The following DNMT3A variants were observed in gnomAD, a reference collection of about 807,000 sequenced individuals.
DNMT3A encodes DNA methyltransferase 3 alpha.
DNMT3A carries 267 observed loss-of-function variants against 117.6 expected under a neutral mutation model. The ratio of observed to expected loss-of-function variants is 2.27; its 90% CI spans 2.05 to 2.51. DNMT3A has a LOEUF of 2.51. Among genes scored for constraint, DNMT3A ranks in the 30% most tolerant of loss-of-function variants. The pLI, the probability that DNMT3A is intolerant of heterozygous loss-of-function variation, is 0.00. For synonymous variants in DNMT3A, 432 were observed against 474.8 expected, an observed-to-expected ratio of 0.91 and a Z score of 1.17; for missense variants, 1,029 against 1,260.2, an observed-to-expected ratio of 0.82 and a Z score of 2.78.
At chr2:25,302,197 A>G (rs1158754525) in intron 2 of DNMT3A, among the ~76,000 whole-genome samples, 1 of 152,074 alleles carries the variant, frequency 6.6e-6, no homozygotes, top group African/African-American at 2.4e-5. Flanking sequence ...CAGGAGATAG[A>G]GAGAGAATGC....
intron 1 of DNMT3A, among the ~76,000 whole-genome samples, chr2:25,319,238 G>T (rs1344562699): frequency 4.6e-5 from 7 of 151,324 alleles, no homozygotes; most frequent in Non-Finnish European, 7.4e-5. Flanking sequence ...ATGGTCTCGA[G>T]CTCCTGACCT....
Position 25,243,961 on chromosome 2 carries a change from G to GT in DNMT3A, c.1872dup (p.Pro625ThrfsTer5). ...GGCTTCCTCTTCTCAGCTGGGACAG[G>GT]TGGGTAAACCTTTGGAGGGTCCTAA... is the stretch of plus-strand genomic sequence containing the variant. On this transcript the variant is annotated frameshift_variant, in exon 16 of 23. Transcript: ENST00000321117. LOFTEE classifies it high-confidence loss of function. 6.4e-7 allele frequency: 1 copy of GT among 1,553,668 alleles called. No individual in the cohort carries two copies. The highest frequency in any genetic ancestry group is 8.7e-7 in the Non-Finnish European group (1 of 1,147,944).
At chr2:25,301,314 A>G (rs1481795832) in intron 2 of DNMT3A, among the ~76,000 whole-genome samples, 3 of 152,070 alleles carry the variant, frequency 2.0e-5, no homozygotes, top group South Asian at 2.1e-4. Flanking sequence ...AAATTTAGCA[A>G]TATCTATTTG....
Position 25,294,276 on chromosome 2 carries a change from T to C in DNMT3A, c.177+5863A>G, listed in dbSNP as rs1281474434. On this transcript the variant is annotated intron_variant, in intron 3 of 22. Coordinates refer to ENST00000321117, the MANE Select transcript of DNMT3A (RefSeq NM_022552.5). The surrounding 1 kb of genome is among the most constrained non-coding windows in gnomAD (Gnocchi z 4.7). ...TAGGCCCTTCCATGCAGCACTCCAG[T>C]AGCGGGCGTTGATTTCACCGCTCAG... is the stretch of plus-strand genomic sequence containing the variant. Among the ~76,000 whole-genome samples, 7 of 152,148 alleles carry C rather than the reference T, an allele frequency of 4.6e-5. No individual in the cohort carries two copies. In the East Asian group the frequency reaches 1.2e-3, roughly 25 times the overall value.
At chr2:25,259,655 A>G (rs529412244) in intron 6 of DNMT3A, among the ~76,000 whole-genome samples, 1 of 152,252 alleles carries the variant, frequency 6.6e-6, no homozygotes, top group East Asian at 1.9e-4. Flanking sequence ...TTAAGTTTAT[A>G]CTAAGGGGGG....
chr2:25,304,166 A>T lies in DNMT3A; in HGVS notation c.73-3923T>A, dbSNP rs1391622101. On this transcript the variant is annotated intron_variant, in intron 2 of 22. Coordinates refer to ENST00000321117, the MANE Select transcript of DNMT3A (RefSeq NM_022552.5). The surrounding 1 kb of genome is among the most constrained non-coding windows in gnomAD (Gnocchi z 4.3). ...CGTCCACACTTCCAGCGCAGAGGGG[A>T]GGGGGTGGAAATTCCAGACACGTAG... Among the ~76,000 whole-genome samples the T allele has an allele frequency of 6.6e-6, 1 of 151,560 alleles. No individual in the cohort carries two copies. Among genetic ancestry groups the T allele is most frequent in the Non-Finnish European group, 1.5e-5 (1 of 67,846 alleles).
At chr2:25,256,034 C>G (rs950895784) in intron 6 of DNMT3A, among the ~76,000 whole-genome samples, 3 of 152,144 alleles carry the variant, frequency 2.0e-5, no homozygotes, top group Non-Finnish European at 4.4e-5. Context: ...ATGCGAGTCT[C>G]TCTACTCTGA....
At chr2:25,290,734 G>A (rs1228103463) in intron 3 of DNMT3A, among the ~76,000 whole-genome samples, 1 of 151,588 alleles carries the variant, frequency 6.6e-6, no homozygotes, top group East Asian at 1.9e-4. Context: ...CTGGCACCTG[G>A]GGCAAGAAGC....
Position 25,294,418 on chromosome 2 carries a change from C to T in DNMT3A, c.177+5721G>A, listed in dbSNP as rs373994420. 1.1e-4 allele frequency among the ~76,000 whole-genome samples: 17 copies of T among 152,248 alleles called. No homozygotes were observed. The South Asian group carries it at 1.7e-3, about 15-fold the overall frequency. Reference sequence around the variant, plus strand: ...AAACATGAGGAGACAGAGTGGGCAGCAGCGTGTACTGATGCAGGCTCGCAG... The same window carrying T: ...AAACATGAGGAGACAGAGTGGGCAGTAGCGTGTACTGATGCAGGCTCGCAG... On this transcript the variant is annotated intron_variant, in intron 3 of 22. Transcript: ENST00000321117. This position sits in a 1 kb window ranked among gnomAD's most constrained non-coding sequence, Gnocchi z 4.7.
In DNMT3A at chr2:25,229,501, A is replaced by C. The variant is rs1672790129; in HGVS notation, c.*4778T>G. ...GCACTGAGAGCAGGCAGCGTGGAGA[A>C]TACGCAATGACAAACTCAGATTACT... On this transcript the variant is annotated 3_prime_UTR_variant, in exon 23 of 23. Transcript: ENST00000321117. 1 of 152,248 alleles carries C rather than the reference A, an allele frequency of 6.6e-6. No homozygotes were observed. Among genetic ancestry groups the C allele is most frequent in the African/African-American group, 2.4e-5 (1 of 41,456 alleles). The allele number at this position is 152,248 out of a possible 1,614,324, so 9.4% of individuals were successfully genotyped here.
At position 25,244,625 on chromosome 2, in the gene DNMT3A, A is replaced by AC; in HGVS notation, c.1581dup (p.Tyr528ValfsTer18). The AC allele has an allele frequency of 6.2e-7, 1 of 1,614,150 alleles. No individual in the cohort carries two copies. The highest frequency in any genetic ancestry group is 8.5e-7 in the Non-Finnish European group (1 of 1,180,016). On this transcript the variant is annotated frameshift_variant, in exon 14 of 23. Coordinates refer to ENST00000321117, the MANE Select transcript of DNMT3A (RefSeq NM_022552.5). LOFTEE classifies it high-confidence loss of function. ...TAGGACTGGTAGCCGTCGTCGTCGT[A>AC]CTGGTACGCACACTCCAGAAAGCAG... is the stretch of plus-strand genomic sequence containing the variant.
chr2:25,308,232 A>C (rs999375227), intron 2 of DNMT3A, among the ~76,000 whole-genome samples: 1 of 152,156 alleles, frequency 6.6e-6, no homozygotes, highest in African/African-American at 2.4e-5. Context: ...TAAATTATAA[A>C]GCTAACTTAA....
At chr2:25,325,224 C>T (rs898069263) in intron 1 of DNMT3A, among the ~76,000 whole-genome samples, 1 of 152,162 alleles carries the variant, frequency 6.6e-6, no homozygotes, top group South Asian at 2.1e-4. Flanking sequence ...CACAGACTTC[C>T]GTAAGGCAGC....
In DNMT3A at chr2:25,244,001, A is replaced by G; in HGVS notation, c.1852-19T>C. ...GAGGGTCCTAAGCAGTGAGCACAACAGGTCAGATGCAGGCCCAGCGGTGTC... is the reference window on the plus strand; with the variant it reads ...GAGGGTCCTAAGCAGTGAGCACAACGGGTCAGATGCAGGCCCAGCGGTGTC... On this transcript the variant is annotated intron_variant, in intron 15 of 22. Transcript: ENST00000321117. The G allele has an allele frequency of 6.4e-7, 1 of 1,551,576 alleles. No homozygotes were observed. The highest frequency in any genetic ancestry group is 1.2e-5 in the South Asian group (1 of 84,050).
chr2:25,283,532 G>A (rs1180699868), intron 3 of DNMT3A, among the ~76,000 whole-genome samples: 1 of 152,066 alleles, frequency 6.6e-6, no homozygotes, highest in East Asian at 1.9e-4. Context: ...CATGAGAGTC[G>A]AAGGAGGACC....
chr2:25,267,641 T>C (rs888669614), intron 6 of DNMT3A, among the ~76,000 whole-genome samples: 16 of 152,246 alleles, frequency 1.1e-4, no homozygotes, highest in Non-Finnish European at 2.2e-4. Flanking sequence ...GTAATACTTA[T>C]GTAATTTAAA....
chr2:25,321,088 G>C (rs796132088), intron 1 of DNMT3A, among the ~76,000 whole-genome samples: 1 of 151,602 alleles, frequency 6.6e-6, no homozygotes, highest in Non-Finnish European at 1.5e-5. Flanking sequence ...AGCGGAGATG[G>C]CACCATTGTA....
At chr2:25,266,704 A>T (rs2030381173) in intron 6 of DNMT3A, among the ~76,000 whole-genome samples, 1 of 152,238 alleles carries the variant, frequency 6.6e-6, no homozygotes. Context: ...ATAGGAAAAG[A>T]TGTTCAACCT....
At chr2:25,321,804 C>T (rs532598983) in intron 1 of DNMT3A, among the ~76,000 whole-genome samples, 13 of 152,240 alleles carry the variant, frequency 8.5e-5, no homozygotes, top group Admixed American at 3.9e-4. Flanking sequence ...GAGGATCGCT[C>T]GAGCCCAGGA....
Sources: allele counts gnomAD v4.1 joint callset (sites outside exome capture counted in the v4.1 genomes callset), GRCh38; gene constraint gnomAD v4.1.1; non-coding constraint Gnocchi (gnomAD v3.1); transcripts MANE v1.5; gene names NCBI Gene and HGNC (gene_info 2026-07-23, HGNC 2026-07-21).